Variants in SORCS1 observed in about 807,000 individuals in gnomAD.
SORCS1 encodes sortilin related VPS10 domain containing receptor 1.
SORCS1 carries 60 observed loss-of-function variants against 146.1 expected under a neutral mutation model. The observed-to-expected ratio is 0.41, with a 90% CI of 0.33 to 0.51. The LOEUF (loss-of-function observed/expected upper bound fraction) is 0.51. Ranked by LOEUF, SORCS1 falls within the 20% of genes least tolerant of loss-of-function variation. The pLI is 0.21. For missense variants in SORCS1, 1,352 were observed against 1,487.6 expected, an observed-to-expected ratio of 0.91 and a Z score of 1.50; for synonymous variants, 637 against 584.0, an observed-to-expected ratio of 1.09 and a Z score of -1.31.
intron 1 of SORCS1, among the ~76,000 whole-genome samples, chr10:107,129,973 T>C (rs772202537): frequency 6.6e-6 from 1 of 152,230 alleles, no homozygotes; most frequent in Non-Finnish European, 1.5e-5. Flanking sequence ...TTACAGAGGA[T>C]CCACCTCATC....
At chr10:107,149,736 T>C (rs1450657193) in intron 1 of SORCS1, among the ~76,000 whole-genome samples, 1 of 152,216 alleles carries the variant, frequency 6.6e-6, no homozygotes, top group Non-Finnish European at 1.5e-5. Flanking sequence ...TTCTAAGATG[T>C]GGAATCTAAT....
At chr10:107,071,897 T>C (rs1225053092) in intron 1 of SORCS1, among the ~76,000 whole-genome samples, 1 of 152,122 alleles carries the variant, frequency 6.6e-6, no homozygotes, top group Non-Finnish European at 1.5e-5. Flanking sequence ...ACCCCAGGGC[T>C]GAGGGGAAAA....
chr10:107,158,772 G>A (rs1969491155), intron 1 of SORCS1, among the ~76,000 whole-genome samples: 1 of 152,096 alleles, frequency 6.6e-6, no homozygotes, highest in Admixed American at 6.6e-5. Context: ...ATTTGCGTAA[G>A]GCTCTTGGCA....
chr10:106,578,829 A>G (rs1359575394), intron 25 of SORCS1: 1 of 1,328,908 alleles, frequency 7.5e-7, no homozygotes, highest in African/African-American at 1.5e-5. Flanking sequence ...TAACATTTTA[A>G]CATTTTAAGC....
chr10:106,651,965 G>A (rs139940937), intron 18 of SORCS1, among the ~76,000 whole-genome samples: 4 of 152,312 alleles, frequency 2.6e-5, no homozygotes, highest in Non-Finnish European at 2.9e-5. Context: ...TGACCATCGT[G>A]TTGCCCTTGG....
chr10:106,731,616 T>C (rs1279288238), intron 5 of SORCS1, among the ~76,000 whole-genome samples: 2 of 152,152 alleles, frequency 1.3e-5, no homozygotes, highest in Non-Finnish European at 2.9e-5. Context: ...GATCAGCAAG[T>C]GTTTGTTATA....
chr10:106,964,192 C>T (rs1038462847), intron 1 of SORCS1, among the ~76,000 whole-genome samples: 1 of 152,208 alleles, frequency 6.6e-6, no homozygotes, highest in African/African-American at 2.4e-5. Flanking sequence ...TATCAGAATA[C>T]AGAGATAGGC....
rs1947521085 is a variant in SORCS1, at chr10:106,812,585, A to G, written c.726+16989T>C. Among the ~76,000 whole-genome samples, 6 of 152,296 alleles carry G rather than the reference A, an allele frequency of 3.9e-5. No homozygotes were observed. In the South Asian group the frequency reaches 1.2e-3, roughly 32 times the overall value. ...TATCTTTCCCTGTGGTAGTTCTATTAGTTTCTTTTATAAATCTGATATAGA... is the reference window on the plus strand; with the variant it reads ...TATCTTTCCCTGTGGTAGTTCTATTGGTTTCTTTTATAAATCTGATATAGA... On this transcript the variant is annotated intron_variant, in intron 3 of 25. Coordinates refer to ENST00000263054, the MANE Select transcript of SORCS1 (RefSeq NM_052918.5).
chr10:106,673,065 G>C (rs1411356810), intron 14 of SORCS1, 80 bp from the exon 15 acceptor site: 10 of 1,138,950 alleles, frequency 8.8e-6, no homozygotes, highest in Non-Finnish European at 1.3e-5. Flanking sequence ...TTTGTGGGGC[G>C]TTCACCCTGA....
At chr10:106,658,421 C>A (rs900179677) in intron 17 of SORCS1, among the ~76,000 whole-genome samples, 2 of 151,954 alleles carry the variant, frequency 1.3e-5, no homozygotes, top group African/African-American at 4.8e-5. Context: ...AACTCTAGGT[C>A]TTCTTGTACC....
chr10:106,726,664 T>G (rs1856214217), intron 6 of SORCS1, among the ~76,000 whole-genome samples: 1 of 152,136 alleles, frequency 6.6e-6, no homozygotes, highest in African/African-American at 2.4e-5. Context: ...CAGAGCTTCC[T>G]AAACTAGGGG....
intron 4 of SORCS1, among the ~76,000 whole-genome samples, chr10:106,763,315 T>C (rs1349415702): frequency 6.6e-6 from 1 of 152,202 alleles, no homozygotes; most frequent in East Asian, 1.9e-4. Flanking sequence ...TTTTTTTCTC[T>C]TGTTAAATGT....
chr10:107,132,328 G>A (rs552018523), intron 1 of SORCS1, among the ~76,000 whole-genome samples: 4 of 152,178 alleles, frequency 2.6e-5, no homozygotes, highest in Non-Finnish European at 5.9e-5. Flanking sequence ...AATTCAGTGA[G>A]AGCCCCTCTT....
chr10:106,720,104 A>G (rs777496789), intron 6 of SORCS1, among the ~76,000 whole-genome samples: 7 of 152,094 alleles, frequency 4.6e-5, no homozygotes, highest in Non-Finnish European at 1.0e-4. Context: ...TTTCTCACAC[A>G]TTTGTAGCTC....
chr10:106,656,492 C>T (rs947584588), intron 17 of SORCS1, among the ~76,000 whole-genome samples: 1 of 151,982 alleles, frequency 6.6e-6, no homozygotes, highest in Non-Finnish European at 1.5e-5. Context: ...GGAGGCGGAG[C>T]TTGCAGTGAG....
At chr10:106,784,058 T>C (rs1161792934) in intron 3 of SORCS1, among the ~76,000 whole-genome samples, 3 of 152,072 alleles carry the variant, frequency 2.0e-5, no homozygotes, top group Non-Finnish European at 4.4e-5. Context: ...GTGCAGAATA[T>C]GGAATATTCA....
At chr10:106,599,769 C>CT (rs548263701) in intron 23 of SORCS1, among the ~76,000 whole-genome samples, 1,474 of 144,048 alleles carry the variant, frequency 0.01, 23 homozygotes, top group African/African-American at 0.03. Flanking sequence ...TTCTTTCTTT[C>CT]TTTTTTTTTT....
intron 2 of SORCS1, among the ~76,000 whole-genome samples, chr10:106,838,609 C>A (rs745511435): frequency 6.6e-6 from 1 of 152,206 alleles, no homozygotes; most frequent in Non-Finnish European, 1.5e-5. Context: ...ATTCCCCTAA[C>A]CCATACTAAC....
chr10:106,948,972 A>G (rs1037432648), intron 2 of SORCS1, among the ~76,000 whole-genome samples: 3 of 152,180 alleles, frequency 2.0e-5, no homozygotes, highest in Non-Finnish European at 2.9e-5. Flanking sequence ...AAAAAAAAAA[A>G]GAATTTTAAT....
Sources: allele counts gnomAD v4.1 joint callset (sites outside exome capture counted in the v4.1 genomes callset), GRCh38; gene constraint gnomAD v4.1.1; transcripts MANE v1.5; gene names NCBI Gene and HGNC (gene_info 2026-07-23, HGNC 2026-07-21).